HOXC4: variants seen among roughly 807,000 people sequenced by gnomAD.
HOXC4 encodes homeobox protein Hox-C4.
A neutral mutation model predicts 25.5 loss-of-function variants in HOXC4; 15 were observed. That is an observed-to-expected ratio of 0.59 (90% CI 0.39 to 0.91). The LOEUF (loss-of-function observed/expected upper bound fraction) is 0.91. HOXC4 is among the 40% of genes least tolerant of loss of function. HOXC4 has a pLI of 0.00. For missense variants in HOXC4, 342 were observed against 352.4 expected (o/e 0.97, Z 0.24); for synonymous variants, 165 against 148.0 (o/e 1.11, Z -0.83).
chr12:54,042,357 C>A (rs531578425), intron 1 of HOXC4, among the ~76,000 whole-genome samples: 29 of 152,258 alleles, frequency 1.9e-4, no homozygotes, highest in African/African-American at 6.5e-4. Flanking sequence ...TTGTTGGAGA[C>A]CAACTCTCAC....
intron 1 of HOXC4, chr12:54,033,480 G>A (rs750315927): frequency 3.8e-6 from 6 of 1,595,552 alleles, no homozygotes; most frequent in South Asian, 1.1e-5. Flanking sequence ...GGAGATCAAA[G>A]AGGAGCAGGC....
At chr12:54,046,406 G>A (rs1937705288) in intron 1 of HOXC4, among the ~76,000 whole-genome samples, 1 of 152,142 alleles carries the variant, frequency 6.6e-6, no homozygotes, top group South Asian at 2.1e-4. Context: ...CTGTGGGGGA[G>A]GGGGCCTGGG....
intron 1 of HOXC4, among the ~76,000 whole-genome samples, chr12:54,026,411 C>T (rs7305320): frequency 0.029 from 4,443 of 152,308 alleles, 98 homozygotes; most frequent in Non-Finnish European, 0.041. Flanking sequence ...ACATTGGTGT[C>T]TATGTTTGTG....
At chr12:54,033,961 C>A in intron 1 of HOXC4, 1 of 404,076 alleles carries the variant, frequency 2.5e-6, no homozygotes, top group Non-Finnish European at 5.1e-6. Flanking sequence ...TCGGGAGGGG[C>A]GGGAGGGGGG....
chr12:54,041,491 G>A (rs1206061703), intron 1 of HOXC4, among the ~76,000 whole-genome samples: 1 of 152,232 alleles, frequency 6.6e-6, no homozygotes, highest in Non-Finnish European at 1.5e-5. Context: ...ACAAGAATGG[G>A]AAGGATAGTC....
upstream of HOXC4, among the ~76,000 whole-genome samples, chr12:54,052,792 C>T (rs1055815696): frequency 6.6e-6 from 1 of 152,160 alleles, no homozygotes; most frequent in African/African-American, 2.4e-5. Flanking sequence ...TTTAGGAATT[C>T]GTGTTTACAT....
At chr12:54,052,512 C>CT (rs772969619), upstream of HOXC4, among the ~76,000 whole-genome samples, 1 of 151,500 alleles carries the variant, frequency 6.6e-6, no homozygotes, top group Non-Finnish European at 1.5e-5. Flanking sequence ...CCCCGCAACT[C>CT]TGAGTTATGG....
At position 54,055,285 on chromosome 12, in the gene HOXC4, AATATATATAT is replaced by A. The variant is rs60894549; in HGVS notation, c.*98_*107del. ...AAATTGACTCTTATTTATAGAATTT[AATATATATAT>A]ATATATATATATATATAGGTTCTTT... On this transcript the variant is annotated 3_prime_UTR_variant, in exon 2 of 2. Coordinates refer to ENST00000430889, the MANE Select transcript of HOXC4 (RefSeq NM_153633.3). 1.0e-4 allele frequency: 23 copies of A among 228,092 alleles called. No individual in the cohort carries two copies. Among genetic ancestry groups the A allele is most frequent in the African/African-American group, 5.7e-4 (16 of 28,280 alleles). 14.1% of individuals were successfully genotyped at this position (228,092 alleles called of 1,614,324 possible). A position where few individuals can be genotyped will look rare whatever the true frequency, so the allele number is the denominator to read the frequency against.
At chr12:54,036,066 C>T (rs535112698) in intron 1 of HOXC4, among the ~76,000 whole-genome samples, 5 of 152,062 alleles carry the variant, frequency 3.3e-5, no homozygotes, top group Admixed American at 6.6e-5. Flanking sequence ...CGTCTGTCTG[C>T]CATCATTTAT....
intron 1 of HOXC4, among the ~76,000 whole-genome samples, chr12:54,025,531 G>C (rs897414919): frequency 1.3e-4 from 6 of 44,536 alleles, no homozygotes; most frequent in Non-Finnish European, 2.9e-4. Context: ...GGTAATTGGG[G>C]GGGGGGGAGG....
intron 1 of HOXC4, among the ~76,000 whole-genome samples, chr12:54,041,535 ATTGT>A (rs1225924795): frequency 3.3e-5 from 5 of 152,130 alleles, no homozygotes; most frequent in Admixed American, 3.3e-4. Flanking sequence ...CAATCCCCTC[ATTGT>A]TTGTCTTCTG....
chr12:54,029,873 T>G, intron 1 of HOXC4: 1 of 1,612,068 alleles, frequency 6.2e-7, no homozygotes, highest in Non-Finnish European at 8.5e-7. Context: ...ATCCACTCTC[T>G]CGGGGGGCGG....
chr12:54,035,806 C>T (rs1309387779), intron 1 of HOXC4, among the ~76,000 whole-genome samples: 1 of 152,080 alleles, frequency 6.6e-6, no homozygotes, highest in Non-Finnish European at 1.5e-5. Flanking sequence ...AGCCCTCACT[C>T]TAGGGACCCA....
intron 1 of HOXC4, chr12:54,021,883 G>C (rs1027943196): frequency 3.3e-5 from 5 of 152,364 alleles, no homozygotes; most frequent in African/African-American, 9.7e-5. Context: ...AGAACAAAGT[G>C]CTGTGCTATC....
intron 1 of HOXC4, chr12:54,029,652 T>C (rs764671940): frequency 1.9e-6 from 3 of 1,610,586 alleles, no homozygotes; most frequent in East Asian, 4.5e-5. Context: ...CCCGGATCTT[T>C]AGGGGTCGGC....
intron 1 of HOXC4, among the ~76,000 whole-genome samples, chr12:54,045,743 G>C (rs1937687066): frequency 6.6e-6 from 1 of 152,194 alleles, no homozygotes; most frequent in African/African-American, 2.4e-5. Context: ...TATTAGGTGA[G>C]TGGGGGTAGG....
At chr12:54,044,090 A>C (rs1316368916) in intron 1 of HOXC4, among the ~76,000 whole-genome samples, 2 of 152,054 alleles carry the variant, frequency 1.3e-5, no homozygotes, top group African/African-American at 4.8e-5. Context: ...GAGTAAAGAC[A>C]GGGTCATAAA....
chr12:54,025,537 G>C (rs908257160), intron 1 of HOXC4, among the ~76,000 whole-genome samples: 3 of 53,428 alleles, frequency 5.6e-5, no homozygotes, highest in South Asian at 5.4e-4. Flanking sequence ...TGGGGGGGGG[G>C]GAGGTGTTGA....
upstream of HOXC4, among the ~76,000 whole-genome samples, chr12:54,050,629 A>C (rs1305755340): frequency 6.6e-6 from 1 of 151,314 alleles, no homozygotes; most frequent in African/African-American, 2.4e-5. Context: ...AATAATATCC[A>C]GGTGAAAATG....
Sources: gnomAD v4.1 joint callset for allele counts (sites outside exome capture counted in the v4.1 genomes callset) on GRCh38, gnomAD v4.1.1 for gene constraint, MANE v1.5 for transcripts, NCBI Gene and HGNC (gene_info 2026-07-23, HGNC 2026-07-21) for gene names.